LIG4: variants seen among roughly 807,000 people sequenced by gnomAD.
LIG4 encodes the protein DNA joinase.
In LIG4, 13 loss-of-function variants were observed where a neutral mutation model predicts 19.0. The ratio of observed to expected loss-of-function variants is 0.68; its 90% CI spans 0.44 to 1.09. LIG4 has a LOEUF of 1.09. Among genes scored for constraint, LIG4 ranks in the 50% least tolerant of loss-of-function variants. LIG4 has a pLI of 0.00. For synonymous variants in LIG4, 361 were observed against 358.2 expected, an observed-to-expected ratio of 1.01 and a Z score of -0.09; for missense variants, 1,026 against 1,089.7, an observed-to-expected ratio of 0.94 and a Z score of 0.82.
chr13:108,216,055 A>G (rs968765137), upstream of LIG4, among the ~76,000 whole-genome samples: 1 of 152,174 alleles, frequency 6.6e-6, no homozygotes, highest in African/African-American at 2.4e-5. Flanking sequence ...ATAACAATAC[A>G]TAACTTACAA....
chr13:108,212,387 C>G (rs566407085), intron 2 of LIG4, among the ~76,000 whole-genome samples: 1 of 152,178 alleles, frequency 6.6e-6, no homozygotes, highest in East Asian at 1.9e-4. Context: ...TAAAATTTCA[C>G]AAGTGTAAAT....
rs563401216 is a variant in LIG4 at position 108,209,624 on chromosome 13, T to C, written c.1645A>G (p.Ile549Val). 1 of 1,614,210 alleles carries C rather than the reference T, an allele frequency of 6.2e-7. No individual in the cohort carries two copies. Among genetic ancestry groups the C allele is most frequent in the South Asian group, 1.1e-5 (1 of 91,086 alleles). Residue 549 changes from isoleucine to valine, a missense_variant, in exon 3 of 3, where the codon ATT (isoleucine) becomes GTT (valine). Around this residue, in one of 3 missense-constraint regions of LIG4, gnomAD observed 521 missense variants for 515.5 expected, o/e 1.01. Coordinates refer to ENST00000442234, the MANE Select transcript of LIG4 (RefSeq NM_206937.2). ...ACAATGACAGAATTACAAGGTTCAA[T>C]GTATACTTCTGGCTTCTCTGTTCCA... ...LCGTEKPEVY[I>V]EPCNSVIVQI...
At chr13:108,212,172 T>C (rs985196667) in intron 2 of LIG4, among the ~76,000 whole-genome samples, 6 of 140,450 alleles carry the variant, frequency 4.3e-5, no homozygotes, top group Admixed American at 1.4e-4. Flanking sequence ...AAAGAAAATA[T>C]ATTCTGTAAA....
rs1878516561 is a variant in LIG4 at position 108,210,412 on chromosome 13, T to A, written c.857A>T (p.Asp286Val). ...GERMQMHKDG[D>V]VYKYFSRNGY... ...ATTTCGAGAGAAGTATTTATATACA[T>A]CTCCATCTTTGTGCATTTGCATACG... is the stretch of plus-strand genomic sequence containing the variant. Residue 286 changes from aspartate (D) to valine (V), a missense_variant, in exon 3 of 3, where the codon GAT becomes GTT. Coordinates refer to ENST00000442234, the MANE Select transcript of LIG4 (RefSeq NM_206937.2). 1.2e-6 allele frequency: 2 copies of A among 1,613,546 alleles called. No individual in the cohort carries two copies. Among genetic ancestry groups the A allele is most frequent in the Admixed American group, 1.7e-5 (1 of 59,996 alleles).
In LIG4 at chr13:108,215,008, C is replaced by T. The variant is rs1201399539; in HGVS notation, c.-101-398G>A. On this transcript the variant is annotated intron_variant, in intron 1 of 2. Coordinates refer to ENST00000442234, the MANE Select transcript of LIG4 (RefSeq NM_206937.2). ...CCCCGCCTGACGACCCCCCGACCCC[C>T]GCCTGACGTCCCAGACACCACCCAT... Among the ~76,000 whole-genome samples, 4 of 90,362 alleles carry T rather than the reference C, an allele frequency of 4.4e-5. No individual in the cohort carries two copies. The East Asian group carries it at 1.4e-3, about 32-fold the overall frequency. 59.3% of individuals were successfully genotyped at this position (90,362 alleles called of 152,430 possible).
At chr13:108,215,634 G>C (rs1374205499), upstream of LIG4, 20 of 151,230 alleles carry the variant, frequency 1.3e-4, no homozygotes, top group Admixed American at 1.3e-3. Context: ...GCTCGCGATG[G>C]GAGGTGGGGG....
chr13:108,217,566 G>A (rs1159677583), upstream of LIG4, among the ~76,000 whole-genome samples: 1 of 151,302 alleles, frequency 6.6e-6, no homozygotes, highest in African/African-American at 2.4e-5. Context: ...GCGTGGTGGC[G>A]GGCACCTGTA....
chr13:108,208,359 G>A lies in LIG4; in HGVS notation c.*174C>T, dbSNP rs974443784. ...GATAATTTTTCTTTCTTGGCTTTGG[G>A]CTATTGTCTTTTCAACCTTAAAAGT... On this transcript the variant is annotated 3_prime_UTR_variant, in exon 3 of 3. Coordinates refer to ENST00000442234, the MANE Select transcript of LIG4 (RefSeq NM_206937.2). 9 of 567,194 alleles carry A rather than the reference G, an allele frequency of 1.6e-5. No homozygotes were observed. Among genetic ancestry groups the A allele is most frequent in the Non-Finnish European group, 2.8e-5 (9 of 323,446 alleles). 35.1% of individuals were successfully genotyped at this position (567,194 alleles called of 1,614,324 possible).
In LIG4 at chr13:108,208,577, TTGAATCAGTTACCCAACTTTCTTTTA is replaced by T; in HGVS notation, c.2666_2691del (p.Leu889HisfsTer5). 1 of 1,613,040 alleles carries T rather than the reference TTGAATCAGTTACCCAACTTTCTTTTA, an allele frequency of 6.2e-7. No homozygotes were observed. Among genetic ancestry groups the T allele is most frequent in the Non-Finnish European group, 8.5e-7 (1 of 1,179,182 alleles). On this transcript the variant is annotated frameshift_variant, in exon 3 of 3. Coordinates refer to ENST00000442234, the MANE Select transcript of LIG4 (RefSeq NM_206937.2). LOFTEE classifies it high-confidence loss of function. ...TCTTCTTGTAATTCACACTTGTCTA[TTGAATCAGTTACCCAACTTTCTTTTA>T]GGATTTTAAACTTTCTCTTAAAAGT... is the stretch of plus-strand genomic sequence containing the variant.
intron 2 of LIG4, among the ~76,000 whole-genome samples, chr13:108,214,123 A>G (rs1245970151): frequency 1.3e-5 from 2 of 152,178 alleles, no homozygotes; most frequent in Non-Finnish European, 2.9e-5. Context: ...TTCAGTGACT[A>G]TGGAAGGTGA....
Position 108,210,959 on chromosome 13 carries a change from T to C in LIG4, c.310A>G (p.Lys104Glu), listed in dbSNP as rs754941945. The C allele has an allele frequency of 6.2e-7, 1 of 1,613,520 alleles. No homozygotes were observed. The highest frequency in any genetic ancestry group is 8.5e-7 in the Non-Finnish European group (1 of 1,179,868). ...TAGTTTAAAAGTTTGAGGGCATCTT[T>C]TCCATCTCTAGGTAAATTAAGCAAC... ...IELLNLPRDG[K>E]DALKLLNYRT... Residue 104 changes from lysine to glutamate, a missense_variant, in exon 3 of 3, where the codon AAA becomes GAA. By Grantham distance (56) the Lys-to-Glu change is moderately conservative (BLOSUM62 1). This residue lies in a region of LIG4 where 493 missense variants were observed against 544.5 expected (regional missense o/e 0.91). Transcript: ENST00000442234.
rs763123640 is a variant in LIG4, at chr13:108,210,112, T to C, written c.1157A>G (p.Tyr386Cys). 2 of 1,613,528 alleles carry C rather than the reference T, an allele frequency of 1.2e-6. No individual in the cohort carries two copies. The highest frequency in any genetic ancestry group is 2.7e-5 in the African/African-American group (2 of 74,938). ...TGTAAAAATACTACTAAGAATCTCA[T>C]ACCTCTTTCTCAGAGTCTCATGCCC... is the stretch of plus-strand genomic sequence containing the variant. ...KLGHETLRKRYEILSSIFTPI... is the reference protein window; with the variant it reads ...KLGHETLRKRCEILSSIFTPI... The change falls in exon 3 of 3, where the codon TAT becomes TGT. Residue 386 changes from tyrosine to cysteine, a missense_variant. Transcript: ENST00000442234.
At chr13:108,216,090 C>T (rs1879276300), upstream of LIG4, among the ~76,000 whole-genome samples, 1 of 151,894 alleles carries the variant, frequency 6.6e-6, no homozygotes, top group South Asian at 2.1e-4. Context: ...GTTGCATGAC[C>T]AGAAATCAAC....
intron 2 of LIG4, among the ~76,000 whole-genome samples, chr13:108,212,344 G>A (rs1878757024): frequency 6.6e-6 from 1 of 151,990 alleles, no homozygotes; most frequent in Non-Finnish European, 1.5e-5. Flanking sequence ...AGAAATAATG[G>A]GTACCTTGCT....
upstream of LIG4, among the ~76,000 whole-genome samples, chr13:108,216,079 C>G (rs1251368313): frequency 2.0e-5 from 3 of 151,848 alleles, no homozygotes; most frequent in Non-Finnish European, 4.4e-5. Context: ...AGAAATAAAC[C>G]GTTGCATGAC....
At chr13:108,214,339 G>A (rs1278387431) in intron 2 of LIG4, among the ~76,000 whole-genome samples, 199 bp downstream of exon 2, 1 of 152,148 alleles carries the variant, frequency 6.6e-6, no homozygotes, top group Non-Finnish European at 1.5e-5. Flanking sequence ...GACGCTAGAA[G>A]GGCTTTGGGA....
upstream of LIG4, among the ~76,000 whole-genome samples, chr13:108,217,609 A>G (rs1230181284): frequency 6.6e-6 from 1 of 151,798 alleles, no homozygotes; most frequent in Non-Finnish European, 1.5e-5. Flanking sequence ...AGGCGAGAGA[A>G]TCGCTTGAAC....
Position 108,208,762 on chromosome 13 carries a change from G to T in LIG4, c.2507C>A (p.Thr836Lys). The change falls in exon 3 of 3, where the codon ACA (threonine) becomes AAA (lysine). Residue 836 changes from threonine to lysine, a missense_variant. Transcript: ENST00000442234. ...INDLSTKNEG[T>K]RLAIKALELR... is the part of the protein sequence containing the mutation. Reference sequence around the variant, plus strand: ...CTCCAAGGCTTTAATAGCTAACCTTGTCCCCTCATTTTTGGTACTCAGGTC... The same window carrying T: ...CTCCAAGGCTTTAATAGCTAACCTTTTCCCCTCATTTTTGGTACTCAGGTC... The T allele has an allele frequency of 1.2e-6, 2 of 1,614,114 alleles. No individual in the cohort carries two copies. The highest frequency in any genetic ancestry group is 2.2e-5 in the South Asian group (2 of 91,080).
chr13:108,218,248 GGA>G (rs1466768936), upstream of LIG4: 1 of 152,302 alleles, frequency 6.6e-6, no homozygotes, highest in African/African-American at 2.4e-5. Context: ...GGAACTGGAG[GGA>G]GTCCTGGTGC....
Sources: allele counts gnomAD v4.1 joint callset (sites outside exome capture counted in the v4.1 genomes callset), GRCh38; gene constraint gnomAD v4.1.1; regional missense constraint gnomAD v4.1.1; transcripts MANE v1.5; gene names NCBI Gene and HGNC (gene_info 2026-07-23, HGNC 2026-07-21).